Variants in LHFPL3 observed in about 807,000 individuals in gnomAD.
LHFPL3 encodes the protein LHFPL tetraspan subfamily member 3, also known as LHFPL tetraspan subfamily member 3 protein.
In LHFPL3, 5 loss-of-function variants were observed where a neutral mutation model predicts 19.3. The ratio of observed to expected loss-of-function variants is 0.26; its 90% CI spans 0.14 to 0.54. The LOEUF is 0.54. LHFPL3 is among the 20% of genes least tolerant of loss of function. The pLI is 0.94. For synonymous variants in LHFPL3, 133 were observed against 126.2 expected, an observed-to-expected ratio of 1.05 and a Z score of -0.36; for missense variants, 249 against 307.4, an observed-to-expected ratio of 0.81 and a Z score of 1.42.
At chr7:104,621,339 A>T (rs1584444592) in intron 1 of LHFPL3, among the ~76,000 whole-genome samples, 1 of 152,384 alleles carries the variant, frequency 6.6e-6, no homozygotes, top group East Asian at 1.9e-4. Context: ...TCCAGAAACA[A>T]GCATGCTCAT....
At chr7:104,390,611 C>A (rs1791046113) in intron 1 of LHFPL3, among the ~76,000 whole-genome samples, 1 of 152,178 alleles carries the variant, frequency 6.6e-6, no homozygotes, top group South Asian at 2.1e-4. Flanking sequence ...GGTTCCAAGT[C>A]TTTGCTATTG....
At chr7:104,563,957 G>T (rs779093890) in intron 1 of LHFPL3, among the ~76,000 whole-genome samples, 11 of 152,136 alleles carry the variant, frequency 7.2e-5, no homozygotes, top group Non-Finnish European at 1.6e-4. Flanking sequence ...TGATCTTTCT[G>T]CCATAGAAAA....
intron 1 of LHFPL3, chr7:104,668,098 G>A (rs999595930): frequency 5.0e-6 from 8 of 1,613,730 alleles, no homozygotes; most frequent in African/African-American, 2.7e-5. Flanking sequence ...GAATTCTTTC[G>A]AGGATTAAAT....
intron 2 of LHFPL3, among the ~76,000 whole-genome samples, chr7:104,868,303 A>T (rs1196488924): frequency 6.6e-6 from 1 of 152,224 alleles, no homozygotes; most frequent in Non-Finnish European, 1.5e-5. Flanking sequence ...CTGTTTGCAG[A>T]TGACATGATT....
In LHFPL3 at chr7:104,882,001, A is replaced by G. The variant is rs138823852; in HGVS notation, c.683-24186A>G. The stretch of plus-strand genomic sequence containing the variant: ...CACTTACCAGTCTACAGGATGCTAT[A>G]AACATAGCTTTTGCACTGGGAAACG... On this transcript the variant is annotated intron_variant, in intron 2 of 2. Transcript: ENST00000424859. Among the ~76,000 whole-genome samples, 33 of 152,340 alleles carry G rather than the reference A, an allele frequency of 2.2e-4. No homozygotes were observed. In the East Asian group the frequency reaches 5.8e-3, roughly 27 times the overall value.
chr7:104,824,471 A>AT (rs1790767401), intron 2 of LHFPL3, among the ~76,000 whole-genome samples: 1 of 42,042 alleles, frequency 2.4e-5, no homozygotes, highest in East Asian at 2.4e-3. Flanking sequence ...TTTATATATA[A>AT]TATATAATTA....
intron 1 of LHFPL3, among the ~76,000 whole-genome samples, chr7:104,612,682 C>A (rs10277884): frequency 0.044 from 6,705 of 152,226 alleles, 170 homozygotes; most frequent in African/African-American, 0.063. Flanking sequence ...GAAACCTAAA[C>A]CTTCATGCCG....
intron 1 of LHFPL3, among the ~76,000 whole-genome samples, chr7:104,611,632 T>A (rs896607597): frequency 4.6e-5 from 7 of 152,194 alleles, no homozygotes; most frequent in Non-Finnish European, 7.4e-5. Context: ...AATATAAATC[T>A]TTTTCCCTTC....
At chr7:104,692,243 A>T (rs1169506463) in intron 1 of LHFPL3, among the ~76,000 whole-genome samples, 1 of 152,230 alleles carries the variant, frequency 6.6e-6, no homozygotes, top group African/African-American at 2.4e-5. Flanking sequence ...AAGTTCAGAA[A>T]ATTTGCAGGC....
At chr7:104,418,201 C>T (rs933149753) in intron 1 of LHFPL3, among the ~76,000 whole-genome samples, 5 of 151,974 alleles carry the variant, frequency 3.3e-5, no homozygotes, top group African/African-American at 1.2e-4. Flanking sequence ...TATTGTTGTT[C>T]TTAAGGAAAG....
chr7:104,635,179 G>A (rs886379640), intron 1 of LHFPL3, among the ~76,000 whole-genome samples: 1 of 151,828 alleles, frequency 6.6e-6, no homozygotes, highest in Non-Finnish European at 1.5e-5. Context: ...GGGGGGGAAA[G>A]GTAAGAAAAT....
intron 1 of LHFPL3, among the ~76,000 whole-genome samples, chr7:104,521,921 ACT>A (rs1276271007): frequency 6.6e-6 from 1 of 151,922 alleles, no homozygotes; most frequent in Non-Finnish European, 1.5e-5. Flanking sequence ...AAATAGGAAC[ACT>A]CTTACACTGT....
intron 1 of LHFPL3, among the ~76,000 whole-genome samples, chr7:104,589,690 C>G (rs1355538576): frequency 6.6e-6 from 1 of 152,134 alleles, no homozygotes; most frequent in Non-Finnish European, 1.5e-5. Flanking sequence ...AGGCATGGTA[C>G]CAGCTCCTCT....
intron 1 of LHFPL3, among the ~76,000 whole-genome samples, chr7:104,387,744 A>G (rs1790977738): frequency 6.6e-6 from 1 of 152,220 alleles, no homozygotes; most frequent in African/African-American, 2.4e-5. Flanking sequence ...ATAAACTCAG[A>G]AGTCCACAAC....
intron 2 of LHFPL3, among the ~76,000 whole-genome samples, chr7:104,773,765 C>T (rs2116404590): frequency 6.6e-6 from 1 of 152,168 alleles, no homozygotes; most frequent in South Asian, 2.1e-4. Flanking sequence ...GCGACACATC[C>T]ACAAGCTAAG....
chr7:104,547,675 T>G lies in LHFPL3; in HGVS notation c.446-189000T>G, dbSNP rs570397790. Among the ~76,000 whole-genome samples, 8 of 152,238 alleles carry G rather than the reference T, an allele frequency of 5.3e-5. No individual in the cohort carries two copies. In the East Asian group the frequency reaches 1.5e-3, roughly 29 times the overall value. On this transcript the variant is annotated intron_variant, in intron 1 of 2. Coordinates refer to ENST00000424859, the MANE Select transcript of LHFPL3 (RefSeq NM_199000.3). ...CATGTTTCTGTACCCTATTCTCAGG[T>G]TTAGAAAACTTCCAGACAGCACATG...
rs398005676 is a variant in LHFPL3, at chr7:104,400,104, CAAAAAAAAAAAAAAAAAAAAAAAAA to C, written c.445+70899_445+70923del. On this transcript the variant is annotated intron_variant, in intron 1 of 2. Transcript: ENST00000424859. ...GGGTGACAAGATCAAAACTCCATCT[CAAAAAAAAAAAAAAAAAAAAAAAAA>C]AAAAAAAAAAAAAAAAAAGACTCTA... Among the ~76,000 whole-genome samples, 116 of 25,738 alleles carry C rather than the reference CAAAAAAAAAAAAAAAAAAAAAAAAA, an allele frequency of 4.5e-3. No individual in the cohort carries two copies. In the East Asian group the frequency reaches 0.069, roughly 15 times the overall value. 16.9% of individuals were successfully genotyped at this position (25,738 alleles called of 152,430 possible).
chr7:104,667,650 G>A (rs1792381900), intron 1 of LHFPL3: 10 of 867,888 alleles, frequency 1.2e-5, no homozygotes, highest in African/African-American at 1.7e-5. Context: ...AAACAGCCAA[G>A]GGTAAATAGT....
At chr7:104,618,271 G>C (rs925467031) in intron 1 of LHFPL3, among the ~76,000 whole-genome samples, 3 of 152,140 alleles carry the variant, frequency 2.0e-5, no homozygotes, top group Non-Finnish European at 4.4e-5. Context: ...TTTCATCAAT[G>C]CTTTAATAAG....
Sources: gnomAD v4.1 joint callset for allele counts (sites outside exome capture counted in the v4.1 genomes callset) on GRCh38, gnomAD v4.1.1 for gene constraint, MANE v1.5 for transcripts, NCBI Gene and HGNC (gene_info 2026-07-23, HGNC 2026-07-21) for gene names.